HS3ST2: variants seen among roughly 807,000 people sequenced by gnomAD.
The protein encoded by HS3ST2 is heparan sulfate-glucosamine 3-sulfotransferase 2.
In HS3ST2, 17 loss-of-function variants were observed where a neutral mutation model predicts 26.3. The observed-to-expected ratio is 0.65, with a 90% confidence interval of 0.44 to 0.97. HS3ST2 has a LOEUF of 0.97. HS3ST2 is among the 50% of genes least tolerant of loss of function. The pLI is 0.00. For synonymous variants in HS3ST2, 237 were observed against 219.2 expected (o/e 1.08, Z -0.72); for missense variants, 402 against 501.2 (o/e 0.80, Z 1.89).
At chr16:22,819,992 G>C (rs552265384) in intron 1 of HS3ST2, among the ~76,000 whole-genome samples, 3 of 152,348 alleles carry the variant, frequency 2.0e-5, no homozygotes. Context: ...ACACAAAACA[G>C]ACTGATCTGT....
intron 1 of HS3ST2, among the ~76,000 whole-genome samples, chr16:22,863,072 G>T (rs1220341523): frequency 1.3e-5 from 2 of 152,208 alleles, no homozygotes; most frequent in Non-Finnish European, 2.9e-5. Flanking sequence ...CTCCAATGAG[G>T]CACTAGTAAT....
rs1440866009 is a variant in HS3ST2, at chr16:22,814,766, G to A, written c.156G>A (p.Ala52=). 2 of 1,604,252 alleles carry A rather than the reference G, an allele frequency of 1.2e-6. No individual in the cohort carries two copies. The highest frequency in any genetic ancestry group is 1.7e-6 in the Non-Finnish European group (2 of 1,176,796). The change falls in exon 1 of 2, where the codon GCG becomes GCA. Residue 52 remains alanine, a synonymous_variant. Transcript: ENST00000261374. ...TGGGTCGGAGCCGCCTCCTCGGCGC[G>A]CCTCGCTGCCTCCGCGGCCCCAGCG... ...DDLGRSRLLG[A]PRCLRGPSAG... is the part of the protein sequence containing the mutation.
chr16:22,898,730 G>C (rs563624147), intron 1 of HS3ST2, among the ~76,000 whole-genome samples: 1 of 152,310 alleles, frequency 6.6e-6, no homozygotes, highest in East Asian at 1.9e-4. Flanking sequence ...AGGAGTATTA[G>C]TGACCCAACA....
chr16:22,892,712 T>G (rs1422618959), intron 1 of HS3ST2, among the ~76,000 whole-genome samples: 2 of 152,188 alleles, frequency 1.3e-5, no homozygotes, highest in Non-Finnish European at 2.9e-5. Context: ...TTCCATAAAA[T>G]TTAAACTTAT....
At chr16:22,863,791 C>T (rs1901711522) in intron 1 of HS3ST2, among the ~76,000 whole-genome samples, 1 of 152,184 alleles carries the variant, frequency 6.6e-6, no homozygotes, top group Admixed American at 6.5e-5. Context: ...TAGCATAACC[C>T]ATAGCTCTCC....
intron 1 of HS3ST2, among the ~76,000 whole-genome samples, chr16:22,867,565 G>C (rs1490581000): frequency 6.6e-6 from 1 of 152,116 alleles, no homozygotes; most frequent in East Asian, 1.9e-4. Flanking sequence ...ACATGAACAA[G>C]CAACATGCAA....
intron 1 of HS3ST2, among the ~76,000 whole-genome samples, chr16:22,900,499 A>G (rs1462216693): frequency 6.6e-6 from 1 of 152,084 alleles, no homozygotes; most frequent in Non-Finnish European, 1.5e-5. Context: ...GCTGGCTGGG[A>G]CAGACGTCAG....
intron 1 of HS3ST2, among the ~76,000 whole-genome samples, chr16:22,912,541 GTT>G (rs928632580): frequency 3.3e-5 from 5 of 152,206 alleles, no homozygotes; most frequent in African/African-American, 1.2e-4. Flanking sequence ...GCAAGCCGGT[GTT>G]GTTAGACAAG....
intron 1 of HS3ST2, among the ~76,000 whole-genome samples, chr16:22,902,612 A>T (rs1385671126): frequency 1.3e-5 from 2 of 152,218 alleles, no homozygotes; most frequent in Non-Finnish European, 2.9e-5. Context: ...ATTTTGATAG[A>T]TAATATATAA....
chr16:22,845,339 A>T (rs1031397651), intron 1 of HS3ST2, among the ~76,000 whole-genome samples: 4 of 140,638 alleles, frequency 2.8e-5, no homozygotes, highest in Non-Finnish European at 4.5e-5. Flanking sequence ...GTGTGAACTC[A>T]TCTATTTATT....
intron 1 of HS3ST2, among the ~76,000 whole-genome samples, chr16:22,893,141 A>C (rs1323723866): frequency 1.3e-5 from 2 of 152,200 alleles, no homozygotes; most frequent in African/African-American, 4.8e-5. Context: ...GAGTCAAAAC[A>C]CTTGAATTTG....
intron 1 of HS3ST2, among the ~76,000 whole-genome samples, chr16:22,887,783 C>T (rs995977905): frequency 9.2e-5 from 8 of 86,792 alleles, no homozygotes; most frequent in East Asian, 1.5e-3. Context: ...CCCATCTCTA[C>T]GGGAAAAAAA....
intron 1 of HS3ST2, among the ~76,000 whole-genome samples, chr16:22,901,281 T>C (rs1042742238): frequency 2.0e-5 from 3 of 152,220 alleles, no homozygotes; most frequent in Admixed American, 6.5e-5. Flanking sequence ...ATTAATGCAA[T>C]AAATATTCAC....
chr16:22,883,942 C>T (rs1287706436), intron 1 of HS3ST2, among the ~76,000 whole-genome samples: 2 of 152,292 alleles, frequency 1.3e-5, no homozygotes, highest in African/African-American at 4.8e-5. Context: ...TGGGGCCTCA[C>T]AGAGAACAAT....
At chr16:22,844,848 T>G (rs1490359941) in intron 1 of HS3ST2, among the ~76,000 whole-genome samples, 1 of 152,044 alleles carries the variant, frequency 6.6e-6, no homozygotes, top group Non-Finnish European at 1.5e-5. Flanking sequence ...TAAACCTCTT[T>G]TCTTTTCTTT....
intron 1 of HS3ST2, among the ~76,000 whole-genome samples, chr16:22,828,021 G>A (rs1301061531): frequency 6.6e-6 from 1 of 152,030 alleles, no homozygotes; most frequent in Non-Finnish European, 1.5e-5. Flanking sequence ...TTCCTACTAA[G>A]GACTTGCTAT....
Position 22,888,686 on chromosome 16 carries a change from C to T in HS3ST2, c.486-26258C>T, listed in dbSNP as rs547695080. Among the ~76,000 whole-genome samples the T allele has an allele frequency of 3.9e-5, 6 of 151,908 alleles. No homozygotes were observed. The East Asian group carries it at 7.8e-4, about 20-fold the overall frequency. ...AGGCGTGTGCCACCGCGCCTGGCTC[C>T]GTCTCTGGCTTTTCTTAGCATTAGA... is the stretch of plus-strand genomic sequence containing the variant. On this transcript the variant is annotated intron_variant, in intron 1 of 1. Coordinates refer to ENST00000261374, the MANE Select transcript of HS3ST2 (RefSeq NM_006043.2).
At chr16:22,843,147 G>GATGT (rs1219688643) in intron 1 of HS3ST2, among the ~76,000 whole-genome samples, 2 of 148,680 alleles carry the variant, frequency 1.3e-5, no homozygotes, top group Non-Finnish European at 3.0e-5. Context: ...TCTGTGACTA[G>GATGT]ATGTATGTAT....
At chr16:22,886,078 A>C (rs1902054520) in intron 1 of HS3ST2, among the ~76,000 whole-genome samples, 1 of 152,202 alleles carries the variant, frequency 6.6e-6, no homozygotes, top group South Asian at 2.1e-4. Flanking sequence ...TAAGCAAAGT[A>C]GCCCTGGAGG....
Sources: allele counts gnomAD v4.1 joint callset (sites outside exome capture counted in the v4.1 genomes callset), GRCh38; gene constraint gnomAD v4.1.1; transcripts MANE v1.5; gene names NCBI Gene and HGNC (gene_info 2026-07-23, HGNC 2026-07-21).